Variants in IRAG2 observed in about 807,000 individuals in gnomAD.
IRAG2 encodes lymphoid restricted membrane protein.
In IRAG2, 45 loss-of-function variants were observed where a neutral mutation model predicts 69.9. The ratio of observed to expected loss-of-function variants is 0.64; its 90% CI spans 0.51 to 0.83. IRAG2 has a LOEUF of 0.83. Ranked by LOEUF, IRAG2 falls within the 40% of genes least tolerant of loss-of-function variation. IRAG2 has a pLI of 0.00. For missense variants in IRAG2, 520 were observed against 587.0 expected (o/e 0.89, Z 1.18); for synonymous variants, 193 against 202.4 (o/e 0.95, Z 0.40).
At chr12:25,052,598 A>C (rs183559413), upstream of IRAG2, 1,102 of 397,398 alleles carry the variant, frequency 2.8e-3, 1 homozygote, top group Non-Finnish European at 4.2e-3. Flanking sequence ...ACATATCAGG[A>C]CTTTAACCGC....
At chr12:25,016,692 G>A (rs115304278) in intron 5 of IRAG2, among the ~76,000 whole-genome samples, 2,509 of 152,012 alleles carry the variant, frequency 0.017, 53 homozygotes, top group African/African-American at 0.05. Context: ...GAATTTGGGA[G>A]GCGGAGGATC....
intron 9 of IRAG2, chr12:25,030,210 A>T (rs1944658111): frequency 1.9e-6 from 2 of 1,035,354 alleles, no homozygotes. Flanking sequence ...TACTGGAATG[A>T]TTTTATGGCA....
chr12:25,028,635 A>G (rs1944644289), intron 9 of IRAG2, among the ~76,000 whole-genome samples: 2 of 152,186 alleles, frequency 1.3e-5, no homozygotes, highest in Admixed American at 6.5e-5. Context: ...TCTGTCACAC[A>G]TTCTCATCAG....
intron 12 of IRAG2, chr12:25,033,716 T>C (rs1326062406): frequency 1.3e-5 from 5 of 392,242 alleles, no homozygotes; most frequent in Non-Finnish European, 1.3e-5. Flanking sequence ...CTCTCCCTAT[T>C]CCCAAGCACA....
intron 9 of IRAG2, 142 bp from the exon 10 acceptor site, chr12:25,083,281 A>AT (rs1472056022): frequency 8.4e-6 from 6 of 713,508 alleles, no homozygotes; most frequent in Non-Finnish European, 1.0e-5. Context: ...GCACGTATAC[A>AT]TTTTTTGTAG....
chr12:25,065,561 T>C (rs1250674640), intron 4 of IRAG2, among the ~76,000 whole-genome samples: 1 of 152,244 alleles, frequency 6.6e-6, no homozygotes, highest in East Asian at 1.9e-4. Flanking sequence ...TGCAAAATTG[T>C]TCTGTAAAAG....
At chr12:25,099,244 C>A (rs7960092) in intron 15 of IRAG2, among the ~76,000 whole-genome samples, 56,308 of 151,968 alleles carry the variant, frequency 0.37, 11,458 homozygotes, top group African/African-American at 0.53. Context: ...CTCAAACCTA[C>A]CATTCAAAAC....
chr12:25,022,757 G>A (rs757796680), intron 7 of IRAG2, among the ~76,000 whole-genome samples: 2 of 152,174 alleles, frequency 1.3e-5, no homozygotes, highest in Non-Finnish European at 1.5e-5. Context: ...CCATTCTATG[G>A]TATATATGTA....
At position 25,030,377 on chromosome 12, in the gene IRAG2, G is replaced by A. The variant is rs1944659558; in HGVS notation, c.1518+43G>A. 11 of 1,189,404 alleles carry A rather than the reference G, an allele frequency of 9.2e-6. No individual in the cohort carries two copies. The South Asian group carries it at 4.3e-4, about 46-fold the overall frequency. 73.7% of individuals were successfully genotyped at this position (1,189,404 alleles called of 1,614,324 possible). Reference sequence around the variant, plus strand: ...CCACAAAGTCCCATGGAATTGGCTAGCTCTCTCCAAATCTGATTCTTTTTT... The same window carrying A: ...CCACAAAGTCCCATGGAATTGGCTAACTCTCTCCAAATCTGATTCTTTTTT... On this transcript the variant is annotated intron_variant, in intron 10 of 38. Coordinates refer to the IRAG2 transcript ENST00000636465.
Position 25,089,803 on chromosome 12 carries a change from CA to C in IRAG2, c.465+16del. 1.2e-6 allele frequency: 2 copies of C among 1,612,406 alleles called. No individual in the cohort carries two copies. The highest frequency in any genetic ancestry group is 1.7e-6 in the Non-Finnish European group (2 of 1,179,632). On this transcript the variant is annotated intron_variant, in intron 13 of 21. Transcript: ENST00000556887. The stretch of plus-strand genomic sequence containing the variant: ...GAAGGAGGTGGAGGTGAGTTTAAAG[CA>C]AATTTTTTTTCCTTTTAAAAAAGTG...
chr12:25,014,096 C>A (rs12311016), intron 3 of IRAG2, among the ~76,000 whole-genome samples: 8,312 of 151,502 alleles, frequency 0.055, 458 homozygotes, highest in African/African-American at 0.14. Flanking sequence ...AGGATGGTCT[C>A]GATCTCCTGA....
At chr12:25,037,888 A>AT in intron 15 of IRAG2, 1 of 397,548 alleles carries the variant, frequency 2.5e-6, no homozygotes, top group Non-Finnish European at 4.4e-6. Context: ...TTGAGATGGA[A>AT]TGTCCACAGC....
chr12:24,997,919 C>T, the IRAG2 span, among the ~76,000 whole-genome samples: 1 of 152,184 alleles, frequency 6.6e-6, no homozygotes, highest in African/African-American at 2.4e-5. Context: ...GTTGCTGTCA[C>T]CACAGGCAAA....
At chr12:25,083,295 A>G (rs1947348015) in intron 9 of IRAG2, 128 bp from the exon 10 acceptor site, 1 of 735,792 alleles carries the variant, frequency 1.4e-6, no homozygotes, top group East Asian at 2.5e-5. Context: ...TTTGTAGTTC[A>G]TAATTTGTCT....
At chr12:25,105,076 T>C (rs1055449531) in intron 20 of IRAG2, among the ~76,000 whole-genome samples, 9 of 143,520 alleles carry the variant, frequency 6.3e-5, no homozygotes, top group Admixed American at 5.5e-4. Context: ...TCTCAGTTTT[T>C]TTTTTTTTTT....
intron 1 of IRAG2, among the ~76,000 whole-genome samples, chr12:25,055,529 A>T (rs1267369383): frequency 6.6e-6 from 1 of 152,140 alleles, no homozygotes; most frequent in Non-Finnish European, 1.5e-5. Context: ...ATATATGTAT[A>T]CATGTACCAT....
intron 15 of IRAG2, among the ~76,000 whole-genome samples, chr12:25,098,761 C>T (rs1054129942): frequency 3.9e-5 from 6 of 152,196 alleles, no homozygotes; most frequent in Admixed American, 6.5e-5. Flanking sequence ...CAGCAAACCT[C>T]GACAGAATGG....
chr12:25,090,893 T>G (rs1565579231), intron 14 of IRAG2: 1 of 450,758 alleles, frequency 2.2e-6, no homozygotes, highest in South Asian at 1.6e-5. Context: ...TCGAGTCTAT[T>G]TCCATTTATG....
chr12:24,997,918 A>C, the IRAG2 span, among the ~76,000 whole-genome samples: 8 of 152,274 alleles, frequency 5.3e-5, no homozygotes, highest in Admixed American at 5.2e-4. Context: ...TGTTGCTGTC[A>C]CCACAGGCAA....
Sources: gnomAD v4.1 joint callset for allele counts (sites outside exome capture counted in the v4.1 genomes callset) on GRCh38, gnomAD v4.1.1 for gene constraint, MANE v1.5 for transcripts, NCBI Gene and HGNC (gene_info 2026-07-23, HGNC 2026-07-21) for gene names.